SAMD7: variants seen among roughly 807,000 people sequenced by gnomAD.
The protein encoded by SAMD7 is sterile alpha motif domain-containing protein 7.
Under a neutral mutation model 36.7 loss-of-function variants are expected in SAMD7, and 34 were observed. That is an observed-to-expected ratio of 0.93 (90% CI 0.71 to 1.23). SAMD7 has a LOEUF of 1.23. Ranked by LOEUF, SAMD7 falls within the 50% of genes most tolerant of loss-of-function variation. The pLI, the probability that SAMD7 is intolerant of heterozygous loss-of-function variation, is 0.00. For missense variants in SAMD7, 570 were observed against 546.6 expected, an observed-to-expected ratio of 1.04 and a Z score of -0.43; for synonymous variants, 188 against 189.7, an observed-to-expected ratio of 0.99 and a Z score of 0.07.
chr3:169,927,329 C>T (rs1201268963), intron 6 of SAMD7, 148 bp downstream of exon 6: 25 of 608,372 alleles, frequency 4.1e-5, no homozygotes, highest in Non-Finnish European at 5.0e-5. Flanking sequence ...GAGTCCCGCT[C>T]AGTCGCCCAG....
chr3:169,936,158 G>C (rs1179208090), intron 7 of SAMD7, among the ~76,000 whole-genome samples, 181 bp from the exon 8 acceptor site: 1 of 152,076 alleles, frequency 6.6e-6, no homozygotes, highest in Non-Finnish European at 1.5e-5. Flanking sequence ...GGTTATTAAA[G>C]AGCACAAGCA....
chr3:169,926,915 A>G lies in SAMD7; in HGVS notation c.653A>G (p.Tyr218Cys), dbSNP rs763038409. ...KILGQTHAVP[Y>C]EEDHYAKDPD... ...CTAGGTCAGACTCATGCAGTTCCCT[A>G]TGAAGAGGATCATTATGCAAAAGAC... Residue 218 changes from tyrosine to cysteine, a missense_variant, in exon 6 of 9, where the codon TAT becomes TGT. Physicochemically the swap from Tyr to Cys is radical, Grantham distance 194. Transcript: ENST00000335556. 1.2e-5 allele frequency: 19 copies of G among 1,613,836 alleles called. No individual in the cohort carries two copies. In the East Asian group the frequency reaches 1.3e-4, roughly 11 times the overall value.
In SAMD7 at chr3:169,929,842, T is replaced by C. The variant is rs140384197; in HGVS notation, c.1041+1264T>C. Reference sequence around the variant, plus strand: ...ACCCATTTTTGTCTTTTGCATAACCTGATAAAAAGTTTTTGGCCTACTCTT... The same window carrying C: ...ACCCATTTTTGTCTTTTGCATAACCCGATAAAAAGTTTTTGGCCTACTCTT... On this transcript the variant is annotated intron_variant, in intron 7 of 8. Transcript: ENST00000335556. Among the ~76,000 whole-genome samples, 86 of 152,328 alleles carry C rather than the reference T, an allele frequency of 5.6e-4. 1 individual carries two copies. The highest frequency in any genetic ancestry group is 9.8e-4 in the Admixed American group (15 of 15,302).
At position 169,927,064 on chromosome 3, in the gene SAMD7, A is replaced by G. The variant is rs1178794793; in HGVS notation, c.802A>G (p.Thr268Ala). 6.2e-6 allele frequency: 10 copies of G among 1,611,494 alleles called. No homozygotes were observed. The highest frequency in any genetic ancestry group is 1.3e-5 in the African/African-American group (1 of 74,588). ...TAGGAAACCCTGGGGGTCTCACACC[A>G]CTACCCTGAAAGCAAAGGCCTGGGA... Reference protein sequence around the residue: ...THRKPWGSHTTTLKAKAWDDG... With the variant: ...THRKPWGSHTATLKAKAWDDG... The change falls in exon 6 of 9, where the codon ACT becomes GCT. Residue 268 changes from threonine (T) to alanine (A), a missense_variant. Thr to Ala is a moderately conservative substitution (Grantham distance 58, BLOSUM62 0). Coordinates refer to ENST00000335556, the MANE Select transcript of SAMD7 (RefSeq NM_001304366.2).
At chr3:169,937,263 A>T (rs903310523) in intron 8 of SAMD7, among the ~76,000 whole-genome samples, 3 of 151,578 alleles carry the variant, frequency 2.0e-5, no homozygotes, top group South Asian at 2.1e-4. Context: ...TTTTAATTTT[A>T]ATTTTTATTT....
Position 169,927,038 on chromosome 3 carries a change from A to G in SAMD7, c.776A>G (p.His259Arg), listed in dbSNP as rs202233838. ...ANTCGELEPTHRKPWGSHTTT... is the reference protein window; with the variant it reads ...ANTCGELEPTRRKPWGSHTTT... Reference sequence around the variant, plus strand: ...ACCTGTGGAGAGCTCGAGCCCACCCATAGGAAACCCTGGGGGTCTCACACC... The same window carrying G: ...ACCTGTGGAGAGCTCGAGCCCACCCGTAGGAAACCCTGGGGGTCTCACACC... The change falls in exon 6 of 9, where the codon CAT becomes CGT. Residue 259 changes from histidine (H) to arginine (R), a missense_variant. By Grantham distance (29) the His-to-Arg change is conservative. Transcript: ENST00000335556. 1.2e-6 allele frequency: 2 copies of G among 1,612,674 alleles called. No individual in the cohort carries two copies. The highest frequency in any genetic ancestry group is 4.5e-5 in the East Asian group (2 of 44,838).
intron 7 of SAMD7, chr3:169,932,044 T>G: frequency 1.6e-6 from 1 of 630,532 alleles, no homozygotes. Flanking sequence ...CCTGTCATCT[T>G]TATCTTCACC....
At chr3:169,932,475 G>T in intron 7 of SAMD7, 2 of 597,826 alleles carry the variant, frequency 3.3e-6, no homozygotes, top group Non-Finnish European at 3.3e-6. Flanking sequence ...GGACAGGATT[G>T]TGGGTGTCCC....
intron 2 of SAMD7, among the ~76,000 whole-genome samples, chr3:169,915,698 C>T (rs1350594973): frequency 6.6e-6 from 1 of 150,616 alleles, no homozygotes; most frequent in Non-Finnish European, 1.5e-5. Context: ...AATTCTCCTG[C>T]CCCAGCCTCC....
At chr3:169,917,653 A>ATTTATTTT (rs1712866470) in intron 2 of SAMD7, among the ~76,000 whole-genome samples, 1 of 150,920 alleles carries the variant, frequency 6.6e-6, no homozygotes, top group African/African-American at 2.4e-5. Context: ...TTATTTATTT[A>ATTTATTTT]TTTTTTGAGA....
At chr3:169,928,419 G>A in intron 6 of SAMD7, 38 bp from the exon 7 acceptor site, 1 of 1,557,490 alleles carries the variant, frequency 6.4e-7, no homozygotes, top group East Asian at 2.2e-5. Context: ...ACATAAACCT[G>A]TATGTATTTT....
chr3:169,919,736 C>T (rs564450078), intron 3 of SAMD7, 152 bp downstream of exon 3: 1 of 691,764 alleles, frequency 1.4e-6, no homozygotes, highest in Non-Finnish European at 2.6e-6. Flanking sequence ...CTGCTGGCCT[C>T]ACCTTCAAGA....
At chr3:169,923,001 T>C (rs1386131591) in intron 4 of SAMD7, among the ~76,000 whole-genome samples, 3 of 152,098 alleles carry the variant, frequency 2.0e-5, no homozygotes, top group Admixed American at 2.0e-4. Flanking sequence ...GGTGAAAACA[T>C]GACTTGTGAG....
intron 2 of SAMD7, among the ~76,000 whole-genome samples, chr3:169,916,342 G>C (rs888327069): frequency 1.3e-5 from 2 of 152,086 alleles, no homozygotes; most frequent in African/African-American, 4.8e-5. Context: ...CTAGATAACT[G>C]CTGTACAAAA....
chr3:169,929,967 C>A (rs1359917589), intron 7 of SAMD7, among the ~76,000 whole-genome samples: 1 of 152,180 alleles, frequency 6.6e-6, no homozygotes, highest in African/African-American at 2.4e-5. Flanking sequence ...GCCATGTCAA[C>A]CATGGGTTCA....
chr3:169,931,826 C>G (rs562082894), intron 7 of SAMD7, among the ~76,000 whole-genome samples: 5 of 152,192 alleles, frequency 3.3e-5, no homozygotes, highest in African/African-American at 1.2e-4. Context: ...CTGCATTGCA[C>G]TGCATGGGTA....
intron 6 of SAMD7, among the ~76,000 whole-genome samples, chr3:169,927,518 A>G (rs2108262442): frequency 1.3e-5 from 2 of 151,636 alleles, no homozygotes; most frequent in South Asian, 4.2e-4. Flanking sequence ...GATGGTCTCA[A>G]TCTCCTGACC....
intron 7 of SAMD7, chr3:169,931,976 G>T: frequency 1.6e-6 from 1 of 608,126 alleles, no homozygotes; most frequent in Non-Finnish European, 2.5e-6. Context: ...GAGTGGGTCA[G>T]GGGAGAAGAA....
At position 169,925,039 on chromosome 3, in the gene SAMD7, G is replaced by A. The variant is rs1375232675; in HGVS notation, c.212-19G>A. 6.6e-7 allele frequency: 1 copy of A among 1,505,366 alleles called. No homozygotes were observed. The highest frequency in any genetic ancestry group is 9.2e-7 in the Non-Finnish European group (1 of 1,089,884). 93.3% of individuals were successfully genotyped at this position (1,505,366 alleles called of 1,614,324 possible). ...TTTTAATTTATTTGTGGGGTGGGAT[G>A]GTGGTTTTCTTTTTTAAGGTTGGGG... On this transcript the variant is annotated intron_variant, in intron 4 of 8. Transcript: ENST00000335556.
Sources: allele counts gnomAD v4.1 joint callset (sites outside exome capture counted in the v4.1 genomes callset), GRCh38; gene constraint gnomAD v4.1.1; transcripts MANE v1.5; gene names NCBI Gene and HGNC (gene_info 2026-07-23, HGNC 2026-07-21).